ERGIC1: variants seen among roughly 807,000 people sequenced by gnomAD.
ERGIC1 encodes endoplasmic reticulum-Golgi intermediate compartment protein 1.
In ERGIC1, 19 loss-of-function variants were observed where a neutral mutation model predicts 38.3. The ratio of observed to expected loss-of-function variants is 0.50; its 90% CI spans 0.35 to 0.73. The LOEUF (loss-of-function observed/expected upper bound fraction) is 0.73, where lower values mean the gene tolerates loss of function less well. Among genes scored for constraint, ERGIC1 ranks in the 30% least tolerant of loss-of-function variants. The pLI is 0.01. For missense variants in ERGIC1, 294 were observed against 389.2 expected (o/e 0.76, Z 2.06); for synonymous variants, 124 against 157.6 (o/e 0.79, Z 1.60).
At chr5:172,890,664 A>C (rs954892751) in intron 2 of ERGIC1, among the ~76,000 whole-genome samples, 6 of 152,308 alleles carry the variant, frequency 3.9e-5, no homozygotes, top group East Asian at 1.9e-4. Context: ...GAGAGAGGTG[A>C]GCTGAAATTT....
At chr5:172,893,911 G>A (rs1286587880) in intron 2 of ERGIC1, among the ~76,000 whole-genome samples, 1,463 of 35,030 alleles carry the variant, frequency 0.042, 64 homozygotes, top group Middle Eastern at 0.077. Flanking sequence ...ATATATGTGT[G>A]TGTGTGTGTG....
intron 1 of ERGIC1, among the ~76,000 whole-genome samples, chr5:172,852,059 CA>C (rs1761422554): frequency 6.6e-6 from 1 of 152,038 alleles, no homozygotes; most frequent in African/African-American, 2.4e-5. Context: ...CTCTACCTGT[CA>C]ATGGGTGAAC....
intron 1 of ERGIC1, among the ~76,000 whole-genome samples, chr5:172,859,396 T>C (rs946269926): frequency 4.0e-5 from 6 of 149,998 alleles, no homozygotes; most frequent in African/African-American, 1.2e-4. Context: ...CATGGCCGCC[T>C]CCTTATCACC....
chr5:172,883,228 C>A (rs2113231791), intron 1 of ERGIC1, among the ~76,000 whole-genome samples: 1 of 152,272 alleles, frequency 6.6e-6, no homozygotes. Flanking sequence ...GCCCTTTACC[C>A]AAGCATCCCC....
At position 172,926,472 on chromosome 5, in the gene ERGIC1, G is replaced by T; in HGVS notation, c.481-37G>T. ...CAGGGCCAGGCCTGGAGGTGGAGGT[G>T]TCCTGGGGACCATCCCCTCACTGCA... is the stretch of plus-strand genomic sequence containing the variant. On this transcript the variant is annotated intron_variant, in intron 6 of 9. Transcript: ENST00000393784. The surrounding 1 kb of genome is among the most constrained non-coding windows in gnomAD (Gnocchi z 5.2). 2 of 1,613,202 alleles carry T rather than the reference G, an allele frequency of 1.2e-6. No homozygotes were observed. The highest frequency in any genetic ancestry group is 1.7e-6 in the Non-Finnish European group (2 of 1,179,560).
At chr5:172,866,406 T>C (rs997825293) in intron 1 of ERGIC1, among the ~76,000 whole-genome samples, 4 of 152,172 alleles carry the variant, frequency 2.6e-5, no homozygotes, top group Non-Finnish European at 1.5e-5. Flanking sequence ...TAATTTCCTG[T>C]GTCCACTGGT....
rs1429850022 is a variant in ERGIC1 at position 172,893,935 on chromosome 5, G to GTGTGTGTGTGTGTATATATATA, written c.83-3066_83-3065insGTGTGTGTGTGTATATATATAT. Among the ~76,000 whole-genome samples, 188 of 42,742 alleles carry GTGTGTGTGTGTGTATATATATA rather than the reference G, an allele frequency of 4.4e-3. 6 individuals are homozygous for GTGTGTGTGTGTGTATATATATA. The highest frequency in any genetic ancestry group is 7.4e-3 in the Non-Finnish European group (161 of 21,692). 28.0% of individuals were successfully genotyped at this position (42,742 alleles called of 152,430 possible). A position where few individuals can be genotyped will look rare whatever the true frequency, so the allele number is the denominator to read the frequency against. ...TGTGTGTGTGTGTGTGTGTGTGTGT[G>GTGTGTGTGTGTGTATATATATA]TATATATATATATATATATTTAAAT... is the stretch of plus-strand genomic sequence containing the variant. On this transcript the variant is annotated intron_variant, in intron 2 of 9. Transcript: ENST00000393784.
At chr5:172,925,380 G>T (rs780215037) in intron 6 of ERGIC1, among the ~76,000 whole-genome samples, 1 of 152,168 alleles carries the variant, frequency 6.6e-6, no homozygotes, top group African/African-American at 2.4e-5. Flanking sequence ...GCCTTCACAC[G>T]GTCAGTCTCA....
intron 9 of ERGIC1, among the ~76,000 whole-genome samples, chr5:172,945,123 G>GA (rs1764093829): frequency 6.7e-6 from 1 of 149,846 alleles, no homozygotes; most frequent in Non-Finnish European, 1.5e-5. Context: ...TCAGGAAAAT[G>GA]AGAGTTTTCC....
At chr5:172,914,662 A>G (rs939035960) in intron 4 of ERGIC1, 52 bp from the exon 5 acceptor site, 1 of 1,613,162 alleles carries the variant, frequency 6.2e-7, no homozygotes, top group African/African-American at 1.3e-5. Context: ...GCTGGCCCCC[A>G]TCCTCCCGCG....
chr5:172,930,623 G>A (rs1482135188), intron 7 of ERGIC1, among the ~76,000 whole-genome samples: 2 of 152,144 alleles, frequency 1.3e-5, no homozygotes, highest in South Asian at 2.1e-4. Context: ...GATTACAGGC[G>A]TGAGCCACCA....
Position 172,900,927 on chromosome 5 carries a change from G to A in ERGIC1, c.155+3853G>A, listed in dbSNP as rs79836978. Among the ~76,000 whole-genome samples, 458 of 152,316 alleles carry A rather than the reference G, an allele frequency of 3.0e-3. 5 individuals are homozygous for A. Among genetic ancestry groups the A allele is most frequent in the African/African-American group, 0.011 (437 of 41,574 alleles). ...TATAGGAGTTGCCCGAAGGGCCTCC[G>A]CAGGATGAGCCCTAAGACTTACAGA... is the stretch of plus-strand genomic sequence containing the variant. On this transcript the variant is annotated intron_variant, in intron 3 of 9. Transcript: ENST00000393784.
chr5:172,920,302 C>T lies in ERGIC1; in HGVS notation c.376-3703C>T, dbSNP rs1291584329. On this transcript the variant is annotated intron_variant, in intron 5 of 9. Coordinates refer to ENST00000393784, the MANE Select transcript of ERGIC1 (RefSeq NM_001031711.3). ...TGATGGCAAGGTCAGCAGCCAGCCC[C>T]CGCACCTCTCTCCCAGCATCAGGCT... 4.2e-5 allele frequency: 30 copies of T among 717,406 alleles called. 1 individual carries two copies. In the Admixed American group the frequency reaches 6.0e-4, roughly 14 times the overall value. 44.4% of individuals were successfully genotyped at this position (717,406 alleles called of 1,614,324 possible). A position where few individuals can be genotyped will look rare whatever the true frequency, so the allele number is the denominator to read the frequency against.
intron 7 of ERGIC1, among the ~76,000 whole-genome samples, chr5:172,929,126 A>G (rs1763721327): frequency 6.6e-6 from 1 of 151,204 alleles, no homozygotes; most frequent in South Asian, 2.1e-4. Context: ...ATATGTATAC[A>G]CATAATATGG....
intron 1 of ERGIC1, among the ~76,000 whole-genome samples, chr5:172,847,231 G>A (rs1255101982): frequency 6.6e-6 from 1 of 152,044 alleles, no homozygotes; most frequent in Non-Finnish European, 1.5e-5. Flanking sequence ...AAGGAGGATG[G>A]GGACAATTGG....
intron 7 of ERGIC1, among the ~76,000 whole-genome samples, chr5:172,927,358 G>A (rs1428852308): frequency 6.6e-6 from 1 of 152,144 alleles, no homozygotes; most frequent in East Asian, 1.9e-4. Flanking sequence ...CCAAGGCAAA[G>A]AAAACATCCC....
intron 1 of ERGIC1, among the ~76,000 whole-genome samples, chr5:172,849,125 A>C (rs933830925): frequency 2.0e-5 from 3 of 152,220 alleles, no homozygotes; most frequent in African/African-American, 7.2e-5. Flanking sequence ...GAGAAGTTGA[A>C]GACCTGGCTC....
At chr5:172,925,804 G>A (rs1372063723) in intron 6 of ERGIC1, among the ~76,000 whole-genome samples, 2 of 152,214 alleles carry the variant, frequency 1.3e-5, no homozygotes, top group Non-Finnish European at 2.9e-5. Flanking sequence ...GCCCATGGTA[G>A]CATGCTCCAT....
chr5:172,939,079 AAG>A (rs1196121964), intron 9 of ERGIC1, among the ~76,000 whole-genome samples: 1 of 152,152 alleles, frequency 6.6e-6, no homozygotes. Flanking sequence ...AAAAAGAAAA[AAG>A]AAATCACTTG....
Sources: allele counts gnomAD v4.1 joint callset (sites outside exome capture counted in the v4.1 genomes callset), GRCh38; gene constraint gnomAD v4.1.1; non-coding constraint Gnocchi (gnomAD v3.1); transcripts MANE v1.5; gene names NCBI Gene and HGNC (gene_info 2026-07-23, HGNC 2026-07-21).